Variants in ARL15 observed in about 807,000 individuals in gnomAD.
ARL15 encodes ARF like GTPase 15, also known as ADP-ribosylation factor-like protein 15.
ARL15 carries 19 observed loss-of-function variants against 25.2 expected under a neutral mutation model. The observed-to-expected ratio is 0.75, with a 90% CI of 0.53 to 1.10. ARL15 has a LOEUF of 1.10. Among genes scored for constraint, ARL15 ranks in the 50% least tolerant of loss-of-function variants. The pLI is 0.00. For missense variants in ARL15, 220 were observed against 246.0 expected, an observed-to-expected ratio of 0.89 and a Z score of 0.71; for synonymous variants, 94 against 86.8, an observed-to-expected ratio of 1.08 and a Z score of -0.46.
intron 1 of ARL15, among the ~76,000 whole-genome samples, chr5:54,190,703 C>A (rs1755374326): frequency 6.6e-6 from 1 of 152,132 alleles, no homozygotes; most frequent in Admixed American, 6.6e-5. Flanking sequence ...GAAGGCCTCA[C>A]CTTTTAATAC....
At chr5:54,018,491 A>G (rs1216886208) in intron 4 of ARL15, among the ~76,000 whole-genome samples, 1 of 152,240 alleles carries the variant, frequency 6.6e-6, no homozygotes, top group Non-Finnish European at 1.5e-5. Context: ...AAGTTAAGAA[A>G]AAGGCACCGT....
chr5:53,944,922 C>A (rs1053059850), intron 4 of ARL15, among the ~76,000 whole-genome samples: 1 of 152,150 alleles, frequency 6.6e-6, no homozygotes, highest in Admixed American at 6.5e-5. Context: ...CAGAGACAGG[C>A]CAATATAGGT....
intron 4 of ARL15, among the ~76,000 whole-genome samples, chr5:53,917,472 T>C (rs1472513481): frequency 6.6e-6 from 1 of 152,166 alleles, no homozygotes; most frequent in Non-Finnish European, 1.5e-5. Context: ...TCACAGTGTT[T>C]ATTAGACATC....
intron 4 of ARL15, among the ~76,000 whole-genome samples, chr5:54,075,848 T>TA (rs1751581375): frequency 6.6e-6 from 1 of 152,156 alleles, no homozygotes; most frequent in African/African-American, 2.4e-5. Flanking sequence ...GTTATACCCT[T>TA]AATAAGTACC....
intron 4 of ARL15, among the ~76,000 whole-genome samples, chr5:54,004,789 CTGTGTG>C (rs60269500): frequency 2.7e-5 from 4 of 149,454 alleles, no homozygotes; most frequent in Non-Finnish European, 1.5e-5. Context: ...GTGTGTGTGC[CTGTGTG>C]TGTGTGTGTG....
chr5:54,172,044 T>A, intron 1 of ARL15, 116 bp from the exon 2 acceptor site: 1 of 1,267,134 alleles, frequency 7.9e-7, no homozygotes, highest in Admixed American at 2.7e-5. Context: ...GTATTACCTA[T>A]AAGGAAGAAA....
At chr5:54,117,408 A>ACACACAC (rs1561230328) in intron 3 of ARL15, among the ~76,000 whole-genome samples, 3 of 86,824 alleles carry the variant, frequency 3.5e-5, no homozygotes, top group Admixed American at 1.1e-4. Context: ...CACACACACA[A>ACACACAC]ACCCAAAGAG....
At chr5:54,172,844 G>C (rs917839751) in intron 1 of ARL15, among the ~76,000 whole-genome samples, 1 of 152,046 alleles carries the variant, frequency 6.6e-6, no homozygotes. Context: ...CTGCCTTTCT[G>C]GCCTTTGCTA....
intron 1 of ARL15, among the ~76,000 whole-genome samples, chr5:54,272,490 C>T (rs1212546918): frequency 6.6e-6 from 1 of 151,982 alleles, no homozygotes; most frequent in African/African-American, 2.4e-5. Flanking sequence ...AAATTTCCAT[C>T]AATCAGATAT....
intron 4 of ARL15, among the ~76,000 whole-genome samples, chr5:54,098,136 T>C (rs1752339560): frequency 6.6e-6 from 1 of 152,274 alleles, no homozygotes; most frequent in Admixed American, 6.5e-5. Context: ...CATAAATATC[T>C]GTAAGACTGA....
At chr5:54,272,021 G>A (rs914399723) in intron 1 of ARL15, among the ~76,000 whole-genome samples, 22 of 149,108 alleles carry the variant, frequency 1.5e-4, no homozygotes, top group Admixed American at 1.1e-3. Context: ...ATAACTTGGT[G>A]CAGCCTCAAA....
At position 54,124,873 on chromosome 5, in the gene ARL15, C is replaced by T. The variant is rs543755344; in HGVS notation, c.254-11463G>A. On this transcript the variant is annotated intron_variant, in intron 3 of 4. Coordinates refer to ENST00000504924, the MANE Select transcript of ARL15 (RefSeq NM_019087.3). ...CCCCTTCATGTTTGTGGTAGGTAGA[C>T]TCTAAGATGACCTCCAATGATCCCC... 1.8e-4 allele frequency among the ~76,000 whole-genome samples: 27 copies of T among 152,194 alleles called. No homozygotes were observed. The South Asian group carries it at 5.4e-3, about 30-fold the overall frequency.
rs1045479291 is a variant in ARL15 at position 53,885,162 on chromosome 5, C to A, written c.*1399G>T. ...GAGTCTGTGGTATTTGGGTATCAGT[C>A]CATTTTACTTAAAATTACAAACATG... On this transcript the variant is annotated 3_prime_UTR_variant, in exon 5 of 5. Coordinates refer to ENST00000504924, the MANE Select transcript of ARL15 (RefSeq NM_019087.3). The A allele has an allele frequency of 6.6e-6, 1 of 152,524 alleles. No individual in the cohort carries two copies. Among genetic ancestry groups the A allele is most frequent in the African/African-American group, 2.4e-5 (1 of 41,404 alleles). 9.4% of individuals were successfully genotyped at this position (152,524 alleles called of 1,614,324 possible). A position where few individuals can be genotyped will look rare whatever the true frequency, so the allele number is the denominator to read the frequency against.
chr5:54,005,607 T>C (rs1481609031), intron 4 of ARL15, among the ~76,000 whole-genome samples: 1 of 151,962 alleles, frequency 6.6e-6, no homozygotes, highest in Non-Finnish European at 1.5e-5. Context: ...CTCACGCCTG[T>C]AATCCCAGCA....
At chr5:54,181,419 A>C (rs2112429513) in intron 1 of ARL15, among the ~76,000 whole-genome samples, 1 of 152,340 alleles carries the variant, frequency 6.6e-6, no homozygotes, top group South Asian at 2.1e-4. Flanking sequence ...CAGACCATGT[A>C]CTATTTTTTT....
intron 4 of ARL15, among the ~76,000 whole-genome samples, chr5:53,979,544 C>A (rs573481853): frequency 1.1e-4 from 16 of 151,942 alleles, no homozygotes; most frequent in Non-Finnish European, 1.9e-4. Context: ...TGTCTCAAAA[C>A]AAAACCAAAA....
chr5:54,309,382 A>G (rs1758838779), intron 1 of ARL15, among the ~76,000 whole-genome samples: 1 of 152,250 alleles, frequency 6.6e-6, no homozygotes, highest in Non-Finnish European at 1.5e-5. Context: ...TTTCTTGGCC[A>G]TCAAAGCATG....
intron 1 of ARL15, 137 bp downstream of exon 1, chr5:54,310,295 C>T: frequency 9.9e-7 from 1 of 1,014,190 alleles, no homozygotes; most frequent in Non-Finnish European, 1.4e-6. Flanking sequence ...AAAGGCTTAC[C>T]AGCCGGCTGC....
At chr5:53,991,047 C>G (rs946670295) in intron 4 of ARL15, among the ~76,000 whole-genome samples, 3 of 152,110 alleles carry the variant, frequency 2.0e-5, no homozygotes, top group Non-Finnish European at 4.4e-5. Flanking sequence ...TCCCTACCCC[C>G]ACCCCATGGG....
Sources: gnomAD v4.1 joint callset for allele counts (sites outside exome capture counted in the v4.1 genomes callset) on GRCh38, gnomAD v4.1.1 for gene constraint, MANE v1.5 for transcripts, NCBI Gene and HGNC (gene_info 2026-07-23, HGNC 2026-07-21) for gene names.